The following ZNF529 variants were observed in gnomAD, a reference collection of about 807,000 sequenced individuals.
The protein encoded by ZNF529 is zinc finger protein 529.
ZNF529 carries 11 observed loss-of-function variants against 10.1 expected under a neutral mutation model. The observed-to-expected ratio is 1.09, with a 90% CI of 0.69 to 1.81. ZNF529 has a LOEUF of 1.81. Ranked by LOEUF, ZNF529 falls within the 40% of genes most tolerant of loss-of-function variation. ZNF529 has a pLI of 0.00. For synonymous variants in ZNF529, 204 were observed against 215.7 expected (o/e 0.95, Z 0.47); for missense variants, 624 against 666.8 (o/e 0.94, Z 0.71).
intron 2 of ZNF529, among the ~76,000 whole-genome samples, chr19:36,587,003 G>A (rs1166150673): frequency 6.6e-6 from 1 of 152,104 alleles, no homozygotes; most frequent in Non-Finnish European, 1.5e-5. Context: ...GGTGGCTCAC[G>A]CCGGTAATCC....
Position 36,600,041 on chromosome 19 carries a change from C to G in ZNF529, c.-128+5085G>C, listed in dbSNP as rs2036899473. Among the ~76,000 whole-genome samples, 2 of 151,478 alleles carry G rather than the reference C, an allele frequency of 1.3e-5. 1 individual carries two copies. The highest frequency in any genetic ancestry group is 4.2e-4 in the South Asian group (2 of 4,798). On this transcript the variant is annotated intron_variant, in intron 1 of 4. Transcript: ENST00000585960. ...GTGCCACCGTGCCCAGCTAATTATT[C>G]CATTTTTAGTAGAGACGGGGTTTCA...
rs2034942401 is a variant in ZNF529 at position 36,544,540 on chromosome 19, G to A, written c.*2326C>T. On this transcript the variant is annotated 3_prime_UTR_variant, in exon 5 of 5. Transcript: ENST00000591340. ...CCAAAAGAGGAACATTAGCACTGAT[G>A]GTAACTCAGGATAAAAAGGGAGAAT... 1 of 152,050 alleles carries A rather than the reference G, an allele frequency of 6.6e-6. No individual in the cohort carries two copies. Among genetic ancestry groups the A allele is most frequent in the Non-Finnish European group, 1.5e-5 (1 of 68,026 alleles). The allele number at this position is 152,050 out of a possible 1,614,324, so 9.4% of individuals were successfully genotyped here.
chr19:36,572,512 A>G lies in ZNF529; in HGVS notation c.-46-120T>C, dbSNP rs12461723. 4.3e-3 allele frequency: 3,194 copies of G among 738,208 alleles called. 74 individuals carry two copies. In the Admixed American group the frequency reaches 0.047, roughly 11 times the overall value. The allele number at this position is 738,208 out of a possible 1,614,324, so 45.7% of individuals were successfully genotyped here. ...AAACACACCCAGATCGAAGAGGGAA[A>G]CTAGAATACTGTCGACTCCTCCCCA... is the stretch of plus-strand genomic sequence containing the variant. On this transcript the variant is annotated intron_variant, in intron 1 of 4. Transcript: ENST00000591340.
chr19:36,553,354 C>T (rs182351240), intron 4 of ZNF529, among the ~76,000 whole-genome samples: 18 of 151,974 alleles, frequency 1.2e-4, no homozygotes, highest in South Asian at 8.3e-4. Context: ...CCAGGTTGGT[C>T]GCGAACTCCT....
rs544943771 is a variant in ZNF529, at chr19:36,573,268, T to A, written c.-175A>T. The A allele has an allele frequency of 3.4e-6, 1 of 296,390 alleles. No individual in the cohort carries two copies. The highest frequency in any genetic ancestry group is 2.6e-5 in the South Asian group (1 of 38,834). The allele number at this position is 296,390 out of a possible 1,614,324, so 18.4% of individuals were successfully genotyped here. On this transcript the variant is annotated 5_prime_UTR_variant, in exon 1 of 5. Coordinates refer to ENST00000591340, the MANE Select transcript of ZNF529 (RefSeq NM_020951.5). ...GCAGCCCGGCCCGGGTCACCTCGAC[T>A]CGCCAGGCTTAACTCAATAACCACA...
intron 1 of ZNF529, among the ~76,000 whole-genome samples, chr19:36,595,841 A>G (rs370644172): frequency 6.6e-6 from 1 of 152,136 alleles, no homozygotes; most frequent in Non-Finnish European, 1.5e-5. Context: ...TACATTATAC[A>G]TATCTATATA....
At chr19:36,599,281 G>A (rs1286376897) in intron 1 of ZNF529, among the ~76,000 whole-genome samples, 4 of 152,104 alleles carry the variant, frequency 2.6e-5, no homozygotes, top group Non-Finnish European at 1.5e-5. Context: ...ATATAATTCT[G>A]ACTAGCTACC....
chr19:36,563,283 C>A (rs568262631), intron 2 of ZNF529, among the ~76,000 whole-genome samples: 11 of 152,016 alleles, frequency 7.2e-5, no homozygotes, highest in African/African-American at 2.7e-4. Context: ...ATTAGCCAGG[C>A]ATGGTGGTGT....
chr19:36,582,690 A>G (rs2036493931), intron 2 of ZNF529: 1 of 147,918 alleles, frequency 6.8e-6, no homozygotes, highest in South Asian at 2.2e-4. Flanking sequence ...GCTGGGTGAC[A>G]GAGCGAGACT....
intron 3 of ZNF529, 149 bp from the exon 4 acceptor site, chr19:36,554,945 C>T (rs2035408854): frequency 3.4e-6 from 2 of 581,042 alleles, no homozygotes; most frequent in East Asian, 3.4e-5. Context: ...GAAATTAGTG[C>T]TTCCAAACCA....
upstream of ZNF529, among the ~76,000 whole-genome samples, chr19:36,574,432 A>T (rs1200120620): frequency 6.6e-6 from 1 of 152,170 alleles, no homozygotes; most frequent in East Asian, 1.9e-4. Flanking sequence ...GGAGGAGGGT[A>T]TAATGAAGCA....
chr19:36,590,929 CAAA>C (rs34193887), intron 1 of ZNF529, among the ~76,000 whole-genome samples: 14 of 105,974 alleles, frequency 1.3e-4, no homozygotes, highest in East Asian at 3.3e-4. Flanking sequence ...GACTCCGTCT[CAAA>C]AAAAAAAAAA....
chr19:36,563,319 A>T (rs2035779648), intron 2 of ZNF529, among the ~76,000 whole-genome samples: 1 of 151,966 alleles, frequency 6.6e-6, no homozygotes, highest in Admixed American at 6.6e-5. Flanking sequence ...GCTACTCGGG[A>T]GGCTGAGGCA....
At chr19:36,595,521 T>C (rs3111546) in intron 1 of ZNF529, among the ~76,000 whole-genome samples, 54,189 of 151,820 alleles carry the variant, frequency 0.36, 10,466 homozygotes, top group African/African-American at 0.52. Flanking sequence ...CATAGCAAGA[T>C]CCTGTCCCTA....
At chr19:36,575,474 C>T (rs937855808), upstream of ZNF529, among the ~76,000 whole-genome samples, 1 of 151,380 alleles carries the variant, frequency 6.6e-6, no homozygotes, top group African/African-American at 2.4e-5. Flanking sequence ...CATCCCCCCG[C>T]CTCCTGCTTG....
At chr19:36,592,186 G>A (rs970699771) in intron 1 of ZNF529, among the ~76,000 whole-genome samples, 1 of 150,540 alleles carries the variant, frequency 6.6e-6, no homozygotes, top group African/African-American at 2.4e-5. Flanking sequence ...TTGGGAGGCT[G>A]AGGTGGGAGG....
Position 36,546,570 on chromosome 19 carries a change from C to A in ZNF529, c.*296G>T. On this transcript the variant is annotated 3_prime_UTR_variant, in exon 5 of 5. Coordinates refer to ENST00000591340, the MANE Select transcript of ZNF529 (RefSeq NM_020951.5). ...TATTACAATTAAAAAACTGAATAGT[C>A]AAAAGAGCAATAATACAAACATCAA... is the stretch of plus-strand genomic sequence containing the variant. The A allele has an allele frequency of 3.6e-6, 1 of 278,418 alleles. No individual in the cohort carries two copies. The highest frequency in any genetic ancestry group is 6.7e-6 in the Non-Finnish European group (1 of 149,592). The allele number at this position is 278,418 out of a possible 1,614,324, so 17.2% of individuals were successfully genotyped here. A position where few individuals can be genotyped will look rare whatever the true frequency, so the allele number is the denominator to read the frequency against.
At chr19:36,577,405 G>A (rs1224040239), upstream of ZNF529, 3 of 279,286 alleles carry the variant, frequency 1.1e-5, no homozygotes, top group Non-Finnish European at 1.4e-5. Context: ...ATCCCAGGGG[G>A]CCTTGTCCCA....
At chr19:36,600,932 G>T (rs1423304596) in intron 1 of ZNF529, among the ~76,000 whole-genome samples, 1 of 152,070 alleles carries the variant, frequency 6.6e-6, no homozygotes, top group African/African-American at 2.4e-5. Context: ...ACAAAAATAG[G>T]CTACAAGCAG....
Sources: allele counts gnomAD v4.1 joint callset (sites outside exome capture counted in the v4.1 genomes callset), GRCh38; gene constraint gnomAD v4.1.1; transcripts MANE v1.5; gene names NCBI Gene and HGNC (gene_info 2026-07-23, HGNC 2026-07-21).